The following FBXO27 variants were observed in gnomAD, a reference collection of about 807,000 sequenced individuals.
FBXO27 encodes the protein F-box only protein 27.
Under a neutral mutation model 28.3 loss-of-function variants are expected in FBXO27, and 28 were observed. The ratio of observed to expected loss-of-function variants is 0.99; its 90% CI spans 0.73 to 1.36. FBXO27 has a LOEUF of 1.36. Among genes scored for constraint, FBXO27 ranks in the 40% most tolerant of loss-of-function variants. The pLI is 0.00. For missense variants in FBXO27, 388 were observed against 394.1 expected (o/e 0.98, Z 0.13); for synonymous variants, 175 against 167.3 (o/e 1.05, Z -0.36).
intron 2 of FBXO27, among the ~76,000 whole-genome samples, chr19:39,012,292 C>A (rs974485393): frequency 6.6e-6 from 1 of 150,700 alleles, no homozygotes; most frequent in Non-Finnish European, 1.5e-5. Flanking sequence ...TCAAGCAATT[C>A]TCCTGCCTCA....
intron 1 of FBXO27, among the ~76,000 whole-genome samples, chr19:39,015,355 G>A (rs113181072): frequency 6.7e-6 from 1 of 148,266 alleles, no homozygotes; most frequent in Non-Finnish European, 1.5e-5. Context: ...AAAAGGCTGA[G>A]TGTGGTGGCT....
At chr19:39,020,385 A>T (rs2144891287), downstream of FBXO27, among the ~76,000 whole-genome samples, 1 of 152,228 alleles carries the variant, frequency 6.6e-6, no homozygotes, top group Non-Finnish European at 1.5e-5. Context: ...GATATTAGAC[A>T]GTGTCCCTGG....
downstream of FBXO27, among the ~76,000 whole-genome samples, chr19:39,023,611 T>A (rs1450296862): frequency 8.7e-6 from 1 of 115,594 alleles, no homozygotes; most frequent in Non-Finnish European, 2.0e-5. Flanking sequence ...GGACCTATTG[T>A]CTTTTTTTTT....
At chr19:39,030,169 A>G (rs1341075319) in intron 4 of FBXO27, among the ~76,000 whole-genome samples, 1 of 151,964 alleles carries the variant, frequency 6.6e-6, no homozygotes, top group African/African-American at 2.4e-5. Flanking sequence ...CAACCTCTCA[A>G]TTTCCTGAGA....
chr19:39,013,020 A>G (rs1232232225), intron 2 of FBXO27, among the ~76,000 whole-genome samples: 1 of 152,062 alleles, frequency 6.6e-6, no homozygotes, highest in Non-Finnish European at 1.5e-5. Flanking sequence ...AATTTTCAAA[A>G]TGTTTTTCTA....
chr19:39,016,591 T>TG (rs1334301196), intron 1 of FBXO27, among the ~76,000 whole-genome samples: 232 of 67,322 alleles, frequency 3.4e-3, no homozygotes, highest in Non-Finnish European at 4.0e-3. Flanking sequence ...GTCTCTAATT[T>TG]GAAAAAAAAA....
At position 39,024,696 on chromosome 19, in the gene FBXO27, G is replaced by T. The variant is rs909966629; in HGVS notation, c.*715C>A. On this transcript the variant is annotated 3_prime_UTR_variant, in exon 6 of 6. Transcript: ENST00000292853. ...CACCACCAAGCCCGGCTAATTTTTT[G>T]GATTTTTAGTAGAGACGGGGTTTCA... The T allele has an allele frequency of 1.3e-5, 2 of 151,696 alleles. No homozygotes were observed. The highest frequency in any genetic ancestry group is 2.1e-4 in the South Asian group (1 of 4,794). The allele number at this position is 151,696 out of a possible 1,614,324, so 9.4% of individuals were successfully genotyped here.
At chr19:39,019,265 T>C (rs2072833604), downstream of FBXO27, among the ~76,000 whole-genome samples, 1 of 141,472 alleles carries the variant, frequency 7.1e-6, no homozygotes, top group South Asian at 2.3e-4. Context: ...CTACTAAAAA[T>C]ACAAAAAAAC....
downstream of FBXO27, among the ~76,000 whole-genome samples, chr19:39,019,449 A>G (rs1600225002): frequency 3.3e-5 from 3 of 91,956 alleles, no homozygotes; most frequent in African/African-American, 1.1e-4. Context: ...AAAAAAAAAA[A>G]AAAAAAAAAA....
chr19:39,025,316 T>C lies in FBXO27; in HGVS notation c.*95A>G. 1 of 1,471,952 alleles carries C rather than the reference T, an allele frequency of 6.8e-7. No homozygotes were observed. 91.2% of individuals were successfully genotyped at this position (1,471,952 alleles called of 1,614,324 possible). ...AGGAATTCTCAGTATGCCAGGGAGGTACAAGTGCTTGGTTGGTTAATGAGG... is the reference window on the plus strand; with the variant it reads ...AGGAATTCTCAGTATGCCAGGGAGGCACAAGTGCTTGGTTGGTTAATGAGG... On this transcript the variant is annotated 3_prime_UTR_variant, in exon 6 of 6. Transcript: ENST00000292853.
chr19:39,007,419 G>T (rs1975743812), intron 2 of FBXO27, among the ~76,000 whole-genome samples: 1 of 152,152 alleles, frequency 6.6e-6, no homozygotes, highest in Non-Finnish European at 1.5e-5. Context: ...AGGTGAGCAG[G>T]TGGAAGTATA....
chr19:39,025,315 G>T lies in FBXO27; in HGVS notation c.*96C>A, dbSNP rs1475051893. 3 of 1,471,502 alleles carry T rather than the reference G, an allele frequency of 2.0e-6. No homozygotes were observed. The highest frequency in any genetic ancestry group is 2.7e-6 in the Non-Finnish European group (3 of 1,092,904). 91.2% of individuals were successfully genotyped at this position (1,471,502 alleles called of 1,614,324 possible). A position where few individuals can be genotyped will look rare whatever the true frequency, so the allele number is the denominator to read the frequency against. ...CAGGAATTCTCAGTATGCCAGGGAG[G>T]TACAAGTGCTTGGTTGGTTAATGAG... On this transcript the variant is annotated 3_prime_UTR_variant, in exon 6 of 6. Transcript: ENST00000292853.
At chr19:39,017,015 G>T (rs2072823606) in intron 1 of FBXO27, among the ~76,000 whole-genome samples, 1 of 152,066 alleles carries the variant, frequency 6.6e-6, no homozygotes, top group African/African-American at 2.4e-5. Context: ...AGCCCAGGAG[G>T]TCGAGGCTGC....
At chr19:39,031,690 G>GGCTCCCAATGCTGCCCCGCCCCTCCGA (rs2072904903) in intron 2 of FBXO27, among the ~76,000 whole-genome samples, 174 bp downstream of exon 2, 16 of 107,372 alleles carry the variant, frequency 1.5e-4, no homozygotes, top group African/African-American at 4.4e-4. Context: ...CGCCCCTCCG[G>GGCTCCCAATGCTGCCCCGCCCCTCCGA]CACCTCACAC....
At position 39,025,285 on chromosome 19, in the gene FBXO27, G is replaced by T; in HGVS notation, c.*126C>A. The T allele has an allele frequency of 7.6e-7, 1 of 1,320,322 alleles. No homozygotes were observed. 81.8% of individuals were successfully genotyped at this position (1,320,322 alleles called of 1,614,324 possible). On this transcript the variant is annotated 3_prime_UTR_variant, in exon 6 of 6. Coordinates refer to ENST00000292853, the MANE Select transcript of FBXO27 (RefSeq NM_178820.5). ...ACAGGGCCCGTCAGGGCCTTTGATT[G>T]GACCCAGGAATTCTCAGTATGCCAG...
chr19:39,007,669 G>GTC (rs929387928), intron 2 of FBXO27, among the ~76,000 whole-genome samples: 1 of 151,990 alleles, frequency 6.6e-6, no homozygotes, highest in African/African-American at 2.4e-5. Context: ...TAGAGACAAG[G>GTC]TCTCTCTCTG....
chr19:39,011,491 A>G (rs4381706), intron 2 of FBXO27, among the ~76,000 whole-genome samples: 38,427 of 152,038 alleles, frequency 0.25, 5,136 homozygotes, highest in South Asian at 0.38. Flanking sequence ...TTTAGGGAGT[A>G]TTGTCATCTT....
intron 1 of FBXO27, among the ~76,000 whole-genome samples, chr19:39,015,898 C>T (rs934213071): frequency 6.6e-5 from 10 of 151,870 alleles, no homozygotes; most frequent in Admixed American, 4.6e-4. Flanking sequence ...GGTAAAACCC[C>T]GTCTCAACTA....
At position 39,031,124 on chromosome 19, in the gene FBXO27, G is replaced by A; in HGVS notation, c.477C>T (p.Ser159=). 3 of 1,613,976 alleles carry A rather than the reference G, an allele frequency of 1.9e-6. No homozygotes were observed. In the South Asian group the frequency reaches 3.3e-5, roughly 18 times the overall value. Residue 159 remains serine (S), a splice_region_variant and synonymous_variant, in exon 4 of 6, where the codon AGC becomes AGT. Transcript: ENST00000292853. ...PSQTCFVTSF[S]WCCKKQVLDL... is the part of the protein sequence containing the mutation. ...CCAAGACCTGCTTCTTGCAACACCA[G>A]CTGGGAATGCAGGAGACAGGGTAAT...
Sources: allele counts gnomAD v4.1 joint callset (sites outside exome capture counted in the v4.1 genomes callset), GRCh38; gene constraint gnomAD v4.1.1; transcripts MANE v1.5; gene names NCBI Gene and HGNC (gene_info 2026-07-23, HGNC 2026-07-21).